PSME3IP1: variants seen among roughly 807,000 people sequenced by gnomAD.
PSME3IP1 encodes PSME3-interacting protein.
PSME3IP1 carries 13 observed loss-of-function variants against 34.1 expected under a neutral mutation model. The ratio of observed to expected loss-of-function variants is 0.38; its 90% CI spans 0.25 to 0.61. The LOEUF is 0.61. Among genes scored for constraint, PSME3IP1 ranks in the 20% least tolerant of loss-of-function variants. The pLI is 0.60. For missense variants in PSME3IP1, 237 were observed against 301.4 expected (o/e 0.79, Z 1.58); for synonymous variants, 93 against 114.3 (o/e 0.81, Z 1.19).
In PSME3IP1 at chr16:57,154,357, G is replaced by A; in HGVS notation, c.698C>T (p.Thr233Ile). 1 of 1,614,100 alleles carries A rather than the reference G, an allele frequency of 6.2e-7. No individual in the cohort carries two copies. ...DSESSSDSEGTINATGKIVSS... is the reference protein window; with the variant it reads ...DSESSSDSEGIINATGKIVSS... ...GACAATCTTTCCGGTGGCATTGATG[G>A]TGCCTTCGCTGTCTGAGCTGGACTC... Residue 233 changes from threonine (T) to isoleucine (I), a missense_variant, in exon 7 of 7, where the codon ACC (threonine) becomes ATC (isoleucine). Physicochemically the swap from Thr to Ile is moderately conservative, Grantham distance 89. Coordinates refer to ENST00000309137, the MANE Select transcript of PSME3IP1 (RefSeq NM_024946.4). This position sits in a 1 kb window ranked among gnomAD's most constrained non-coding sequence, Gnocchi z 4.0.
At chr16:57,156,972 A>G (rs1330744961) in intron 6 of PSME3IP1, among the ~76,000 whole-genome samples, 1 of 152,242 alleles carries the variant, frequency 6.6e-6, no homozygotes, top group Non-Finnish European at 1.5e-5. Context: ...ATGTCCATTA[A>G]TAGATGACTA....
At chr16:57,157,255 G>A (rs763774763) in intron 6 of PSME3IP1, among the ~76,000 whole-genome samples, 2 of 149,958 alleles carry the variant, frequency 1.3e-5, no homozygotes, top group Non-Finnish European at 3.0e-5. Flanking sequence ...TGAGGCTGCA[G>A]TGAGCCATGA....
At chr16:57,161,454 T>C (rs1425559289) in intron 6 of PSME3IP1, among the ~76,000 whole-genome samples, 2 of 151,796 alleles carry the variant, frequency 1.3e-5, no homozygotes, top group African/African-American at 2.4e-5. Flanking sequence ...TCAATACTTT[T>C]TTAAAAAAAA....
intron 2 of PSME3IP1, among the ~76,000 whole-genome samples, 195 bp from the exon 3 acceptor site, chr16:57,173,069 C>T (rs112078951): frequency 1.3e-5 from 2 of 152,336 alleles, no homozygotes; most frequent in African/African-American, 4.8e-5. Flanking sequence ...CACCAGTTCT[C>T]AAAGCCAACT....
chr16:57,166,494 T>C (rs1286818101), intron 5 of PSME3IP1, among the ~76,000 whole-genome samples: 8 of 152,202 alleles, frequency 5.3e-5, no homozygotes, highest in African/African-American at 1.7e-4. Flanking sequence ...GTTCTCTCCC[T>C]TGTTGCTTGT....
At chr16:57,182,498 A>G (rs2073806527) in intron 1 of PSME3IP1, among the ~76,000 whole-genome samples, 1 of 139,390 alleles carries the variant, frequency 7.2e-6, no homozygotes, top group South Asian at 2.4e-4. Flanking sequence ...GGACTGCTTG[A>G]GCCTAGGAGT....
intron 5 of PSME3IP1, among the ~76,000 whole-genome samples, 172 bp downstream of exon 5, chr16:57,166,921 G>A (rs1294953663): frequency 6.6e-6 from 1 of 152,194 alleles, no homozygotes; most frequent in Non-Finnish European, 1.5e-5. Flanking sequence ...AGAGAGACGA[G>A]GGTCAAAGCC....
At chr16:57,167,300 G>C (rs563848664) in intron 4 of PSME3IP1, 74 bp from the exon 5 acceptor site, 787 of 1,526,534 alleles carry the variant, frequency 5.2e-4, no homozygotes, top group Non-Finnish European at 6.8e-4. Context: ...CTTCGGCTGT[G>C]CGATGTAATG....
chr16:57,159,025 G>A (rs1428219016), intron 6 of PSME3IP1, among the ~76,000 whole-genome samples: 2 of 152,302 alleles, frequency 1.3e-5, no homozygotes, highest in African/African-American at 4.8e-5. Context: ...CCAAAATGGC[G>A]TTATGTGGCA....
rs1376657459 is a variant in PSME3IP1, at chr16:57,152,840, G to T, written c.*1450C>A. 1.3e-5 allele frequency: 2 copies of T among 152,654 alleles called. No homozygotes were observed. Among genetic ancestry groups the T allele is most frequent in the Non-Finnish European group, 2.9e-5 (2 of 68,084 alleles). 9.5% of individuals were successfully genotyped at this position (152,654 alleles called of 1,614,324 possible). ...AATTCACAAAGCATCAGTTATGGGT[G>T]CAGGGAAGTCGCCATCTGCCAATGG... On this transcript the variant is annotated 3_prime_UTR_variant, in exon 7 of 7. Coordinates refer to ENST00000309137, the MANE Select transcript of PSME3IP1 (RefSeq NM_024946.4).
chr16:57,164,105 T>C (rs773551048), intron 5 of PSME3IP1, 40 bp from the exon 6 acceptor site: 1 of 1,594,236 alleles, frequency 6.3e-7, no homozygotes. Context: ...ATGTCCAATC[T>C]TGTGGATCAA....
upstream of PSME3IP1, chr16:57,186,058 C>T (rs1200920173): frequency 2.0e-6 from 2 of 985,516 alleles, no homozygotes; most frequent in African/African-American, 1.7e-5. Context: ...GCCCCACTTC[C>T]GGCGACGTAA....
chr16:57,173,922 T>C, intron 1 of PSME3IP1, 53 bp from the exon 2 acceptor site: 1 of 1,537,406 alleles, frequency 6.5e-7, no homozygotes, highest in Non-Finnish European at 8.9e-7. Flanking sequence ...GAACTGCAAT[T>C]AAAATTCTAA....
chr16:57,163,849 C>G, intron 6 of PSME3IP1, 152 bp downstream of exon 6: 1 of 752,622 alleles, frequency 1.3e-6, no homozygotes, highest in Non-Finnish European at 2.3e-6. Flanking sequence ...GTAATAAAAT[C>G]CTGCCTGGCA....
chr16:57,170,620 T>A (rs1182034783), intron 4 of PSME3IP1, among the ~76,000 whole-genome samples: 1 of 152,220 alleles, frequency 6.6e-6, no homozygotes, highest in Non-Finnish European at 1.5e-5. Context: ...TTACTGAGAA[T>A]CTACTATATG....
intron 4 of PSME3IP1, among the ~76,000 whole-genome samples, chr16:57,168,369 T>C (rs2072148788): frequency 6.6e-6 from 1 of 152,246 alleles, no homozygotes; most frequent in African/African-American, 2.4e-5. Flanking sequence ...TCTGTTCTTA[T>C]GGGCACAAGT....
chr16:57,176,326 A>G (rs767544479), intron 1 of PSME3IP1, among the ~76,000 whole-genome samples: 14 of 151,884 alleles, frequency 9.2e-5, no homozygotes, highest in Non-Finnish European at 4.4e-5. Context: ...TCTTTCCATC[A>G]CCCATTTTTC....
chr16:57,179,458 G>A (rs1423936), intron 1 of PSME3IP1, among the ~76,000 whole-genome samples: 4,433 of 152,282 alleles, frequency 0.029, 230 homozygotes, highest in African/African-American at 0.1. Context: ...TTCCAGGGTG[G>A]TGGGACAAAA....
intron 1 of PSME3IP1, chr16:57,174,305 A>C (rs1014182769): frequency 6.5e-6 from 3 of 460,708 alleles, no homozygotes; most frequent in Non-Finnish European, 8.6e-6. Context: ...AAAAAAAAAA[A>C]AACTCTCAAA....
Sources: gnomAD v4.1 joint callset for allele counts (sites outside exome capture counted in the v4.1 genomes callset) on GRCh38, gnomAD v4.1.1 for gene constraint, Gnocchi (gnomAD v3.1) non-coding constraint, MANE v1.5 for transcripts, NCBI Gene and HGNC (gene_info 2026-07-23, HGNC 2026-07-21) for gene names.